PLEKHA1: variants seen among roughly 807,000 people sequenced by gnomAD.
PLEKHA1 encodes the protein pleckstrin homology domain containing A1, also known as pleckstrin homology domain-containing family A member 1.
In PLEKHA1, 34 loss-of-function variants were observed where a neutral mutation model predicts 52.0. That is an observed-to-expected ratio of 0.65 (90% CI 0.50 to 0.87). PLEKHA1 has a LOEUF of 0.87. PLEKHA1 is among the 40% of genes least tolerant of loss of function. The probability of loss-of-function intolerance (pLI) is 0.00; values close to 1 mark genes in which losing one functional copy is unlikely to be tolerated. For missense variants in PLEKHA1, 497 were observed against 504.2 expected (o/e 0.99, Z 0.14); for synonymous variants, 163 against 170.7 (o/e 0.95, Z 0.35).
At chr10:122,415,094 C>T (rs1206906562) in intron 6 of PLEKHA1, among the ~76,000 whole-genome samples, 1 of 152,034 alleles carries the variant, frequency 6.6e-6, no homozygotes, top group Non-Finnish European at 1.5e-5. Context: ...AACAACTGGT[C>T]ATCCATCCAT....
At chr10:122,421,004 A>G (rs1293133292) in intron 8 of PLEKHA1, 1 of 152,232 alleles carries the variant, frequency 6.6e-6, no homozygotes, top group Non-Finnish European at 1.5e-5. Flanking sequence ...CTTTTTGGTG[A>G]ATGGATGTAT....
chr10:122,437,459 G>T, the PLEKHA1 span: 1 of 152,168 alleles, frequency 6.6e-6, no homozygotes, highest in Non-Finnish European at 1.5e-5. Context: ...ATGCAAATTT[G>T]GAATTGAGAG....
rs2097410115 is a variant in PLEKHA1, at chr10:122,430,871, A to C, written c.*933A>C. ...CTTGTTTAGGAATGTTTTGAGATTA[A>C]TGTGCTTAAAAGTCCTACGTGACTG... is the stretch of plus-strand genomic sequence containing the variant. On this transcript the variant is annotated 3_prime_UTR_variant, in exon 12 of 12. Coordinates refer to ENST00000368990, the MANE Select transcript of PLEKHA1 (RefSeq NM_001001974.4). 1 of 152,592 alleles carries C rather than the reference A, an allele frequency of 6.6e-6. No individual in the cohort carries two copies. The highest frequency in any genetic ancestry group is 2.4e-5 in the African/African-American group (1 of 41,444). 9.5% of individuals were successfully genotyped at this position (152,592 alleles called of 1,614,324 possible).
chr10:122,398,008 A>G (rs1334557038), intron 3 of PLEKHA1, 34 bp downstream of exon 3: 1 of 1,537,846 alleles, frequency 6.5e-7, no homozygotes, highest in Admixed American at 1.7e-5. Context: ...ACTCGTGTGA[A>G]TTAAAATCCC....
chr10:122,379,234 T>A (rs567330593), intron 1 of PLEKHA1, among the ~76,000 whole-genome samples: 1 of 152,202 alleles, frequency 6.6e-6, no homozygotes, highest in Non-Finnish European at 1.5e-5. Context: ...GGTGGAGATC[T>A]TTTCTCTCTG....
intron 1 of PLEKHA1, among the ~76,000 whole-genome samples, chr10:122,382,832 A>G (rs182648238): frequency 1.1e-4 from 16 of 152,334 alleles, no homozygotes; most frequent in African/African-American, 2.6e-4. Flanking sequence ...ACATTATCCA[A>G]TAATGTACAT....
chr10:122,391,600 T>A (rs1365169116), intron 1 of PLEKHA1, among the ~76,000 whole-genome samples: 1 of 152,172 alleles, frequency 6.6e-6, no homozygotes, highest in Non-Finnish European at 1.5e-5. Flanking sequence ...CAGTTGACTA[T>A]AGATGTATAG....
intron 11 of PLEKHA1, among the ~76,000 whole-genome samples, chr10:122,427,787 A>G (rs1318725215): frequency 1.3e-5 from 2 of 152,216 alleles, no homozygotes; most frequent in Non-Finnish European, 2.9e-5. Flanking sequence ...AAAATGTAAC[A>G]CTGCCATCTG....
At chr10:122,418,301 A>G (rs1029456774) in intron 8 of PLEKHA1, 1 of 212,046 alleles carries the variant, frequency 4.7e-6, no homozygotes, top group Non-Finnish European at 9.4e-6. Flanking sequence ...CACATGGGGA[A>G]GGGGTGGTGG....
At chr10:122,427,854 A>C (rs924982173) in intron 11 of PLEKHA1, among the ~76,000 whole-genome samples, 1 of 152,202 alleles carries the variant, frequency 6.6e-6, no homozygotes, top group Non-Finnish European at 1.5e-5. Context: ...TTACTATGAC[A>C]TATATGCTAG....
At chr10:122,419,728 C>T (rs969524785) in intron 8 of PLEKHA1, 1 of 152,144 alleles carries the variant, frequency 6.6e-6, no homozygotes, top group Non-Finnish European at 1.5e-5. Flanking sequence ...GCAGATAAAG[C>T]TGAAAACCTT....
chr10:122,412,988 G>C lies in PLEKHA1; in HGVS notation c.411G>C (p.Lys137Asn). Residue 137 changes from lysine to asparagine, a missense_variant, in exon 6 of 12, where the codon AAG becomes AAC. Physicochemically the swap from Lys to Asn is moderately conservative, Grantham distance 94. Transcript: ENST00000368990. ...NLSRHGECGK[K>N]QVSYRTDIVG... ...GTCGCCATGGTGAATGTGGGAAAAA[G>C]CAAGTGTCTTACAGAACTGATATTG... 6.2e-7 allele frequency: 1 copy of C among 1,613,544 alleles called. No individual in the cohort carries two copies. Among genetic ancestry groups the C allele is most frequent in the Non-Finnish European group, 8.5e-7 (1 of 1,179,652 alleles).
chr10:122,403,564 T>C (rs958205361), intron 4 of PLEKHA1, among the ~76,000 whole-genome samples: 6 of 151,910 alleles, frequency 3.9e-5, no homozygotes, highest in Admixed American at 3.9e-4. Flanking sequence ...ATGAAACCCT[T>C]GCTTTAGGGT....
chr10:122,381,711 G>C (rs992879996), intron 1 of PLEKHA1, among the ~76,000 whole-genome samples: 1 of 152,188 alleles, frequency 6.6e-6, no homozygotes, highest in Non-Finnish European at 1.5e-5. Flanking sequence ...CTACCACAGG[G>C]TGAGAAAAAC....
At chr10:122,383,840 TGTC>T (rs2096650649) in intron 1 of PLEKHA1, among the ~76,000 whole-genome samples, 1 of 152,208 alleles carries the variant, frequency 6.6e-6, no homozygotes, top group African/African-American at 2.4e-5. Flanking sequence ...AAAATCCACA[TGTC>T]GTGATTGGTC....
rs1196217497 is a variant in PLEKHA1, at chr10:122,385,311, C to CTTTTT, written c.-20-7851_-20-7847dup. ...AAAGGCTGTATCCTTTTGTGTCTGGCTTTTTTTTTTTTTTTTTTTTTTTGA... is the reference window on the plus strand; with the variant it reads ...AAAGGCTGTATCCTTTTGTGTCTGGCTTTTTTTTTTTTTTTTTTTTTTTTTTTTGA... On this transcript the variant is annotated intron_variant, in intron 1 of 11. Coordinates refer to ENST00000368990, the MANE Select transcript of PLEKHA1 (RefSeq NM_001001974.4). Among the ~76,000 whole-genome samples, 51 of 96,468 alleles carry CTTTTT rather than the reference C, an allele frequency of 5.3e-4. 1 individual carries two copies. The highest frequency in any genetic ancestry group is 7.8e-3 in the Middle Eastern group (1 of 128). The allele number at this position is 96,468 out of a possible 152,430, so 63.3% of individuals were successfully genotyped here.
At chr10:122,428,462 T>C in intron 11 of PLEKHA1, 1 of 1,353,104 alleles carries the variant, frequency 7.4e-7, no homozygotes, top group Non-Finnish European at 9.6e-7. Flanking sequence ...TCATAACTGA[T>C]TTTGTCAATA....
chr10:122,377,161 C>G lies in PLEKHA1; in HGVS notation c.-21+2355C>G, dbSNP rs182556048. 1.6e-4 allele frequency among the ~76,000 whole-genome samples: 25 copies of G among 152,154 alleles called. No homozygotes were observed. In the East Asian group the frequency reaches 3.9e-3, roughly 24 times the overall value. ...ATTGACATATTGCTTGATGTCAAGT[C>G]ATTATTGTTTAAATAACTTATTTGA... On this transcript the variant is annotated intron_variant, in intron 1 of 11. Coordinates refer to ENST00000368990, the MANE Select transcript of PLEKHA1 (RefSeq NM_001001974.4).
chr10:122,386,972 A>G (rs1353071674), intron 1 of PLEKHA1: 1 of 152,108 alleles, frequency 6.6e-6, no homozygotes, highest in Non-Finnish European at 1.5e-5. Context: ...TTACTTCTAA[A>G]TTGTCAAATT....
Sources: allele counts gnomAD v4.1 joint callset (sites outside exome capture counted in the v4.1 genomes callset), GRCh38; gene constraint gnomAD v4.1.1; transcripts MANE v1.5; gene names NCBI Gene and HGNC (gene_info 2026-07-23, HGNC 2026-07-21).